The following CDIP1 variants were observed in gnomAD, a reference collection of about 807,000 sequenced individuals.
CDIP1 encodes cell death-inducing p53-target protein 1.
CDIP1 carries 9 observed loss-of-function variants against 17.7 expected under a neutral mutation model. The ratio of observed to expected loss-of-function variants is 0.51; its 90% CI spans 0.31 to 0.89. The LOEUF (loss-of-function observed/expected upper bound fraction) is 0.89, where lower values mean the gene tolerates loss of function less well. Ranked by LOEUF, CDIP1 falls within the 40% of genes least tolerant of loss-of-function variation. The pLI is 0.05. For missense variants in CDIP1, 263 were observed against 277.9 expected (o/e 0.95, Z 0.38); for synonymous variants, 117 against 109.5 (o/e 1.07, Z -0.43).
At chr16:4,537,593 T>C (rs115680138) in intron 1 of CDIP1, among the ~76,000 whole-genome samples, 1,681 of 152,232 alleles carry the variant, frequency 0.011, 36 homozygotes, top group African/African-American at 0.039. Context: ...ACCCCCTCAC[T>C]GGGACAGGTT....
chr16:4,514,007 G>A lies in CDIP1; in HGVS notation c.85+39C>T. The stretch of plus-strand genomic sequence containing the variant: ...GTCCCAACCATGCCATGGCGGCAGG[G>A]GGCTGCAATATGGAGCCTCAGGAAC... On this transcript the variant is annotated intron_variant, in intron 3 of 5. Transcript: ENST00000567695. This position sits in a 1 kb window ranked among gnomAD's most constrained non-coding sequence, Gnocchi z 5.2. 1 of 1,373,536 alleles carries A rather than the reference G, an allele frequency of 7.3e-7. No individual in the cohort carries two copies. Among genetic ancestry groups the A allele is most frequent in the Non-Finnish European group, 9.8e-7 (1 of 1,016,718 alleles). 85.1% of individuals were successfully genotyped at this position (1,373,536 alleles called of 1,614,324 possible). A position where few individuals can be genotyped will look rare whatever the true frequency, so the allele number is the denominator to read the frequency against.
intron 1 of CDIP1, among the ~76,000 whole-genome samples, chr16:4,520,961 G>A (rs1280977844): frequency 1.3e-5 from 2 of 152,180 alleles, no homozygotes; most frequent in African/African-American, 4.8e-5. Flanking sequence ...CCTCACGACA[G>A]CATCAAACTC....
At chr16:4,520,040 A>T (rs2141638386) in intron 1 of CDIP1, among the ~76,000 whole-genome samples, 1 of 152,272 alleles carries the variant, frequency 6.6e-6, no homozygotes, top group African/African-American at 2.4e-5. Flanking sequence ...CCTCTTCTTT[A>T]TGAATGACCC....
intron 1 of CDIP1, among the ~76,000 whole-genome samples, chr16:4,531,267 A>C (rs1279248390): frequency 6.6e-6 from 1 of 151,746 alleles, no homozygotes; most frequent in Non-Finnish European, 1.5e-5. Context: ...CGACCTCGTG[A>C]TCCGCCTACC....
chr16:4,516,521 T>C (rs2058889410), intron 1 of CDIP1, among the ~76,000 whole-genome samples: 1 of 152,060 alleles, frequency 6.6e-6, no homozygotes, highest in African/African-American at 2.4e-5. Context: ...CCTGTACCTT[T>C]TGGTTTTGTT....
At chr16:4,524,535 G>A (rs780143743) in intron 1 of CDIP1, among the ~76,000 whole-genome samples, 2 of 152,132 alleles carry the variant, frequency 1.3e-5, no homozygotes, top group Non-Finnish European at 2.9e-5. Flanking sequence ...CCATAAGAAG[G>A]CATTCAGGGC....
chr16:4,534,326 C>G (rs955456558), intron 1 of CDIP1, among the ~76,000 whole-genome samples: 7 of 152,210 alleles, frequency 4.6e-5, no homozygotes, highest in Non-Finnish European at 8.8e-5. Context: ...GACTCCACTG[C>G]GTCCTCAGGA....
rs1170663857 is a variant in CDIP1 at position 4,510,825 on chromosome 16, G to C, written c.*1747C>G. The C allele has an allele frequency of 6.6e-6, 1 of 152,230 alleles. No homozygotes were observed. Among genetic ancestry groups the C allele is most frequent in the South Asian group, 2.1e-4 (1 of 4,832 alleles). 9.4% of individuals were successfully genotyped at this position (152,230 alleles called of 1,614,324 possible). A position where few individuals can be genotyped will look rare whatever the true frequency, so the allele number is the denominator to read the frequency against. ...CCAAGACTGCCACCTTCATAATTCA[G>C]ATGAGTTAGTGCAGAGATGGCCAGG... On this transcript the variant is annotated 3_prime_UTR_variant, in exon 6 of 6. Coordinates refer to ENST00000567695, the MANE Select transcript of CDIP1 (RefSeq NM_013399.3).
At chr16:4,525,418 C>T (rs1353163774) in intron 1 of CDIP1, among the ~76,000 whole-genome samples, 1 of 152,264 alleles carries the variant, frequency 6.6e-6, no homozygotes, top group South Asian at 2.1e-4. Context: ...GTGCAGTGAA[C>T]GTTAATAGAG....
In CDIP1 at chr16:4,512,820, G is replaced by A. The variant is rs547271998; in HGVS notation, c.486C>T (p.Phe162=). ...TGAAGCAACAGAAGAAACCCAGCAC[G>A]AAATTCATCAAGCCAATCTCGTAGG... is the stretch of plus-strand genomic sequence containing the variant. ...KISYEIGLMN[F]VLGFFCCFMG... Residue 162 remains phenylalanine, a synonymous_variant, in exon 5 of 6, where the codon TTC becomes TTT. Transcript: ENST00000567695. This position sits in a 1 kb window ranked among gnomAD's most constrained non-coding sequence, Gnocchi z 4.6. The A allele has an allele frequency of 6.8e-5, 106 of 1,566,288 alleles. No individual in the cohort carries two copies. In the African/African-American group the frequency reaches 1.3e-3, roughly 19 times the overall value.
In CDIP1 at chr16:4,513,848, C is replaced by T. The variant is rs374465951; in HGVS notation, c.89G>A (p.Arg30His). ...GGGCTGCATCACAGCTGGGGAGGAACGGCCTGGACAGAGAGAGGCAGAAAG... is the reference window on the plus strand; with the variant it reads ...GGGCTGCATCACAGCTGGGGAGGAATGGCCTGGACAGAGAGAGGCAGAAAG... ...EKSGAPPTPG[R>H]SSPAVMQPPP... The change falls in exon 4 of 6, where the codon CGT becomes CAT. Residue 30 changes from arginine to histidine, a missense_variant. Transcript: ENST00000567695. The surrounding 1 kb of genome is among the most constrained non-coding windows in gnomAD (Gnocchi z 4.1). 100 of 1,568,662 alleles carry T rather than the reference C, an allele frequency of 6.4e-5. No individual in the cohort carries two copies. The highest frequency in any genetic ancestry group is 8.0e-5 in the Non-Finnish European group (93 of 1,158,750).
intron 1 of CDIP1, among the ~76,000 whole-genome samples, chr16:4,536,001 A>T (rs2059102864): frequency 6.6e-6 from 1 of 152,268 alleles, no homozygotes; most frequent in East Asian, 1.9e-4. Flanking sequence ...ACCTCCTGTC[A>T]CCACTGCCGG....
rs758131147 is a variant in CDIP1, at chr16:4,512,930, T to C, written c.376A>G (p.Thr126Ala). The change falls in exon 5 of 6, where the codon ACA (threonine) becomes GCA (alanine). Residue 126 changes from threonine (T) to alanine (A), a missense_variant. Physicochemically the swap from Thr to Ala is moderately conservative, Grantham distance 58. Transcript: ENST00000567695. This position sits in a 1 kb window ranked among gnomAD's most constrained non-coding sequence, Gnocchi z 4.6. ...TCAAAGATCTCTCCCTGCAGCACTG[T>C]CACCGTGGTGGCAGCTCCTGAAGGG... is the stretch of plus-strand genomic sequence containing the variant. Reference protein sequence around the residue: ...LVPSGAATTVTVLQGEIFEGA... With the variant: ...LVPSGAATTVAVLQGEIFEGA... The C allele has an allele frequency of 6.3e-6, 10 of 1,580,970 alleles. No homozygotes were observed. The Admixed American group carries it at 1.3e-4, about 21-fold the overall frequency.
chr16:4,522,071 G>A (rs1234346356), intron 1 of CDIP1, among the ~76,000 whole-genome samples: 6 of 152,210 alleles, frequency 3.9e-5, no homozygotes, highest in Admixed American at 3.3e-4. Context: ...ATGACTACAA[G>A]GGGATGCCTC....
chr16:4,513,958 G>T lies in CDIP1; in HGVS notation c.85+88C>A. The T allele has an allele frequency of 7.4e-7, 1 of 1,354,468 alleles. No homozygotes were observed. The highest frequency in any genetic ancestry group is 1.0e-6 in the Non-Finnish European group (1 of 997,410). 83.9% of individuals were successfully genotyped at this position (1,354,468 alleles called of 1,614,324 possible). ...ACAGATGGGGCCCAGGGGTAACCCT[G>T]GAGTGGGCATCACCACTTAGAGAGT... On this transcript the variant is annotated intron_variant, in intron 3 of 5. Coordinates refer to ENST00000567695, the MANE Select transcript of CDIP1 (RefSeq NM_013399.3). The surrounding 1 kb of genome is among the most constrained non-coding windows in gnomAD (Gnocchi z 4.1).
chr16:4,516,144 C>T (rs1047291730), intron 1 of CDIP1, among the ~76,000 whole-genome samples: 3 of 152,142 alleles, frequency 2.0e-5, no homozygotes, highest in African/African-American at 7.2e-5. Context: ...TGAAAACATG[C>T]TTGGTGAGAG....
chr16:4,532,773 A>G (rs2059068887), intron 1 of CDIP1: 1 of 152,192 alleles, frequency 6.6e-6, no homozygotes, highest in Non-Finnish European at 1.5e-5. Flanking sequence ...TGGTGTGGCC[A>G]CTGTCCCTGC....
intron 1 of CDIP1, among the ~76,000 whole-genome samples, chr16:4,529,115 G>A (rs2059029317): frequency 6.6e-6 from 1 of 152,166 alleles, no homozygotes; most frequent in Admixed American, 6.6e-5. Flanking sequence ...CTGGTTAGTG[G>A]CCTCCTCTCC....
Position 4,513,945 on chromosome 16 carries a change from C to G in CDIP1, c.86-94G>C, listed in dbSNP as rs1342657451. 2.9e-6 allele frequency: 4 copies of G among 1,392,666 alleles called. No individual in the cohort carries two copies. The highest frequency in any genetic ancestry group is 1.5e-5 in the African/African-American group (1 of 68,278). The allele number at this position is 1,392,666 out of a possible 1,614,324, so 86.3% of individuals were successfully genotyped here. On this transcript the variant is annotated intron_variant, in intron 3 of 5. Transcript: ENST00000567695. This position sits in a 1 kb window ranked among gnomAD's most constrained non-coding sequence, Gnocchi z 4.1. ...ACTGTTTTGGGACACAGATGGGGCC[C>G]AGGGGTAACCCTGGAGTGGGCATCA...
Sources: gnomAD v4.1 joint callset for allele counts (sites outside exome capture counted in the v4.1 genomes callset) on GRCh38, gnomAD v4.1.1 for gene constraint, Gnocchi (gnomAD v3.1) non-coding constraint, MANE v1.5 for transcripts, NCBI Gene and HGNC (gene_info 2026-07-23, HGNC 2026-07-21) for gene names.